TRPM8: variants seen among roughly 807,000 people sequenced by gnomAD.
The protein encoded by TRPM8 is TRPM8 cationic channel.
Under a neutral mutation model 133.7 loss-of-function variants are expected in TRPM8, and 110 were observed. The observed-to-expected ratio is 0.82, with a 90% CI of 0.70 to 0.96. The LOEUF is 0.96. Ranked by LOEUF, TRPM8 falls within the 40% of genes least tolerant of loss-of-function variation. The pLI is 0.00. For missense variants in TRPM8, 1,291 were observed against 1,379.5 expected, an observed-to-expected ratio of 0.94 and a Z score of 1.02; for synonymous variants, 535 against 532.3, an observed-to-expected ratio of 1.01 and a Z score of -0.07.
rs764798792 is a variant in TRPM8, at chr2:233,989,309, C to T, written c.2939+3444C>T. Among the ~76,000 whole-genome samples the T allele has an allele frequency of 1.2e-4, 19 of 152,188 alleles. No homozygotes were observed. Among genetic ancestry groups the T allele is most frequent in the African/African-American group, 4.1e-4 (17 of 41,442 alleles). Reference sequence around the variant, plus strand: ...AGCTCAGCGTCTGTGGTCCTGGCCGCGCGTTATCTGGCTTAACTCAGGTCT... The same window carrying T: ...AGCTCAGCGTCTGTGGTCCTGGCCGTGCGTTATCTGGCTTAACTCAGGTCT... On this transcript the variant is annotated intron_variant, in intron 21 of 25. Coordinates refer to ENST00000324695, the MANE Select transcript of TRPM8 (RefSeq NM_024080.5). The surrounding 1 kb of genome is among the most constrained non-coding windows in gnomAD (Gnocchi z 4.2).
chr2:233,987,745 C>T (rs539267532), intron 21 of TRPM8, among the ~76,000 whole-genome samples: 3 of 152,310 alleles, frequency 2.0e-5, no homozygotes, highest in African/African-American at 7.2e-5. Flanking sequence ...GTGGGAGGGA[C>T]CCAGTGGGAG....
At position 233,968,490 on chromosome 2, in the gene TRPM8, T is replaced by G. The variant is rs182170306; in HGVS notation, c.2026-1205T>G. Among the ~76,000 whole-genome samples, 259 of 152,288 alleles carry G rather than the reference T, an allele frequency of 1.7e-3. 1 individual carries two copies. Among genetic ancestry groups the G allele is most frequent in the African/African-American group, 5.6e-3 (233 of 41,570 alleles). ...TACCCACCAACTGCAATTGGTTGTT[T>G]GTGGAAAGCTGACACCTTATTCCAG... On this transcript the variant is annotated intron_variant, in intron 15 of 25. Coordinates refer to ENST00000324695, the MANE Select transcript of TRPM8 (RefSeq NM_024080.5).
At chr2:233,959,503 G>T (rs575691571) in intron 11 of TRPM8, among the ~76,000 whole-genome samples, 1 of 151,038 alleles carries the variant, frequency 6.6e-6, no homozygotes, top group Non-Finnish European at 1.5e-5. Flanking sequence ...TAGAGATGAG[G>T]TTTCACCATG....
chr2:233,943,418 G>C (rs1473069158), intron 6 of TRPM8, among the ~76,000 whole-genome samples: 5 of 152,076 alleles, frequency 3.3e-5, no homozygotes, highest in South Asian at 2.1e-4. Context: ...GTCCTTTGTA[G>C]GGACATGGAT....
intron 2 of TRPM8, among the ~76,000 whole-genome samples, chr2:233,927,710 CTTTCTTTCTTTCTTTCTTTCTTTCTTT>C (rs1691548954): frequency 1.5e-4 from 2 of 13,550 alleles, no homozygotes; most frequent in Non-Finnish European, 2.4e-4. Flanking sequence ...GAGTCTGTCT[CTTTCTTTCTTTCTTTCTTTCTTTCTTT>C]CTTTCTTTCT....
At chr2:233,937,658 A>G in intron 4 of TRPM8, 149 bp downstream of exon 4, 2 of 942,132 alleles carry the variant, frequency 2.1e-6, no homozygotes, top group Non-Finnish European at 3.2e-6. Flanking sequence ...TACATCTTGT[A>G]AAAGCCAAAA....
chr2:234,008,317 A>C (rs1244626745), intron 24 of TRPM8, among the ~76,000 whole-genome samples: 1 of 152,118 alleles, frequency 6.6e-6, no homozygotes, highest in Non-Finnish European at 1.5e-5. Flanking sequence ...TGATGTCCAA[A>C]ATCTTTTCTG....
Position 233,918,652 on chromosome 2 carries a change from A to T in TRPM8, c.-6+1220A>T, listed in dbSNP as rs186136138. On this transcript the variant is annotated intron_variant, in intron 1 of 25. Transcript: ENST00000324695. ...CTATTTTCCTAGTTTTCATCCATCTATTCAAACTGAAAAAAATTTGGCTGA... is the reference window on the plus strand; with the variant it reads ...CTATTTTCCTAGTTTTCATCCATCTTTTCAAACTGAAAAAAATTTGGCTGA... Among the ~76,000 whole-genome samples, 211 of 152,280 alleles carry T rather than the reference A, an allele frequency of 1.4e-3. 1 individual carries two copies. The highest frequency in any genetic ancestry group is 3.1e-3 in the Admixed American group (48 of 15,298).
intron 17 of TRPM8, among the ~76,000 whole-genome samples, chr2:233,977,116 G>A (rs905724066): frequency 2.6e-5 from 4 of 152,156 alleles, no homozygotes; most frequent in East Asian, 3.9e-4. Flanking sequence ...TGCAGATGTC[G>A]AAATGCTGAT....
chr2:234,000,154 A>T (rs1692518984), intron 22 of TRPM8, among the ~76,000 whole-genome samples: 1 of 150,958 alleles, frequency 6.6e-6, no homozygotes, highest in Non-Finnish European at 1.5e-5. Context: ...TGTGTTGCCC[A>T]GGCTGGAGTG....
chr2:233,994,636 G>A (rs28902226), intron 21 of TRPM8, among the ~76,000 whole-genome samples: 7 of 152,168 alleles, frequency 4.6e-5, no homozygotes, highest in African/African-American at 1.4e-4. Flanking sequence ...TAAACTTTAA[G>A]CAAAGCCAAT....
At chr2:233,947,226 T>C in intron 8 of TRPM8, 71 bp downstream of exon 8, 1 of 1,598,142 alleles carries the variant, frequency 6.3e-7, no homozygotes, top group Non-Finnish European at 8.6e-7. Context: ...TTTCAAGGAT[T>C]TGGGCTCATC....
chr2:233,982,307 T>C (rs1280305541), intron 19 of TRPM8, among the ~76,000 whole-genome samples: 1 of 152,146 alleles, frequency 6.6e-6, no homozygotes, highest in African/African-American at 2.4e-5. Context: ...AGACGCATAG[T>C]GAGGATTGGA....
chr2:234,000,956 G>A (rs1692547556), intron 22 of TRPM8, among the ~76,000 whole-genome samples: 1 of 152,208 alleles, frequency 6.6e-6, no homozygotes, highest in African/African-American at 2.4e-5. Flanking sequence ...CGGATTATAG[G>A]CGTTAGCTAC....
intron 14 of TRPM8, chr2:233,966,037 AC>A (rs1162134557): frequency 1.3e-5 from 2 of 152,402 alleles, no homozygotes; most frequent in African/African-American, 4.8e-5. Context: ...TTTAGTAGAG[AC>A]GGGGTTTTGC....
chr2:233,981,980 G>T, intron 19 of TRPM8, 65 bp downstream of exon 19: 1 of 1,486,438 alleles, frequency 6.7e-7, no homozygotes, highest in Non-Finnish European at 9.0e-7. Flanking sequence ...TTTAATGGTC[G>T]ATAGGAGGAT....
At chr2:233,972,529 G>A (rs112938611) in intron 17 of TRPM8, among the ~76,000 whole-genome samples, 10 of 152,362 alleles carry the variant, frequency 6.6e-5, no homozygotes, top group African/African-American at 9.6e-5. Flanking sequence ...GGTGGCGCTC[G>A]TGGAGGAGGC....
chr2:234,008,200 T>C (rs1692744139), intron 24 of TRPM8, 97 bp downstream of exon 24: 5 of 1,239,880 alleles, frequency 4.0e-6, no homozygotes, highest in Admixed American at 4.5e-5. Context: ...ATAAAAGAAG[T>C]TATATTCAGC....
chr2:233,967,170 T>C (rs1041026542), intron 15 of TRPM8, among the ~76,000 whole-genome samples: 5 of 152,230 alleles, frequency 3.3e-5, no homozygotes, highest in African/African-American at 7.2e-5. Flanking sequence ...TTTAAGGAGA[T>C]AATATGTGAA....
Sources: allele counts gnomAD v4.1 joint callset (sites outside exome capture counted in the v4.1 genomes callset), GRCh38; gene constraint gnomAD v4.1.1; non-coding constraint Gnocchi (gnomAD v3.1); transcripts MANE v1.5; gene names NCBI Gene and HGNC (gene_info 2026-07-23, HGNC 2026-07-21).